FYTTD1: variants seen among roughly 807,000 people sequenced by gnomAD.
The protein encoded by FYTTD1 is forty-two-three domain containing 1.
Under a neutral mutation model 40.9 loss-of-function variants are expected in FYTTD1, and 22 were observed. The observed-to-expected ratio is 0.54, with a 90% CI of 0.38 to 0.77. The LOEUF is 0.77. Among genes scored for constraint, FYTTD1 ranks in the 30% least tolerant of loss-of-function variants. The pLI is 0.00. For missense variants in FYTTD1, 351 were observed against 392.2 expected (o/e 0.90, Z 0.89); for synonymous variants, 140 against 137.9 (o/e 1.01, Z -0.10).
intron 1 of FYTTD1, among the ~76,000 whole-genome samples, chr3:197,751,647 C>A (rs530452904): frequency 3.3e-5 from 5 of 150,914 alleles, no homozygotes; most frequent in Non-Finnish European, 4.4e-5. Flanking sequence ...GCTCTCCCCC[C>A]CCGCAAAAAA....
At chr3:197,767,429 C>T (rs1172200923) in intron 2 of FYTTD1, among the ~76,000 whole-genome samples, 2 of 137,896 alleles carry the variant, frequency 1.5e-5, no homozygotes, top group Non-Finnish European at 3.1e-5. Flanking sequence ...TGAGCCACTG[C>T]ACCTGGCTGC....
intron 1 of FYTTD1, chr3:197,755,869 G>T (rs1259366309): frequency 6.5e-7 from 1 of 1,547,454 alleles, no homozygotes; most frequent in Non-Finnish European, 8.7e-7. Context: ...GTGTTTTTGG[G>T]AAGTAAGTAG....
rs139624985 is a variant in FYTTD1, at chr3:197,787,533, C to T, written c.*5624C>T. 1.3e-5 allele frequency: 2 copies of T among 152,354 alleles called. No homozygotes were observed. Among genetic ancestry groups the T allele is most frequent in the African/African-American group, 4.8e-5 (2 of 41,576 alleles). 9.4% of individuals were successfully genotyped at this position (152,354 alleles called of 1,614,324 possible). A position where few individuals can be genotyped will look rare whatever the true frequency, so the allele number is the denominator to read the frequency against. On this transcript the variant is annotated 3_prime_UTR_variant, in exon 9 of 9. Coordinates refer to ENST00000241502, the MANE Select transcript of FYTTD1 (RefSeq NM_032288.7). The stretch of plus-strand genomic sequence containing the variant: ...AAGAACTATTAAGATTTGAGTGAAA[C>T]TTTTGCCCCCTGTGTTGAATGAGTT...
At chr3:197,754,725 C>A (rs1445556693) in intron 1 of FYTTD1, among the ~76,000 whole-genome samples, 1 of 140,990 alleles carries the variant, frequency 7.1e-6, no homozygotes. Flanking sequence ...AGTGCAGTGG[C>A]GTGATTGTGG....
chr3:197,752,344 A>G (rs1729084365), intron 1 of FYTTD1, among the ~76,000 whole-genome samples: 1 of 152,216 alleles, frequency 6.6e-6, no homozygotes, highest in Non-Finnish European at 1.5e-5. Flanking sequence ...GAAAGGTGAC[A>G]GTAAGTAGTG....
intron 2 of FYTTD1, among the ~76,000 whole-genome samples, chr3:197,759,837 G>T (rs569087989): frequency 6.6e-6 from 1 of 151,274 alleles, no homozygotes; most frequent in African/African-American, 2.4e-5. Flanking sequence ...GTGGTAGAAC[G>T]TATAGAGTGT....
chr3:197,782,054 T>TTTA lies in FYTTD1; in HGVS notation c.*145_*146insTTA. 3 of 341,122 alleles carry TTTA rather than the reference T, an allele frequency of 8.8e-6. No homozygotes were observed. Among genetic ancestry groups the TTTA allele is most frequent in the Non-Finnish European group, 1.6e-5 (3 of 183,328 alleles). The allele number at this position is 341,122 out of a possible 1,614,324, so 21.1% of individuals were successfully genotyped here. ...TTTTATTTTTGAAGGTTTTTTTTTT[T>TTTA]AAAAAAAAAAACGTATAAAATAATG... On this transcript the variant is annotated 3_prime_UTR_variant, in exon 9 of 9. Transcript: ENST00000241502.
At chr3:197,750,448 G>C in intron 1 of FYTTD1, 2 of 1,005,102 alleles carry the variant, frequency 2.0e-6, no homozygotes, top group Non-Finnish European at 2.4e-6. Context: ...CCCGGAGCGC[G>C]TTCGCGGTGG....
intron 2 of FYTTD1, among the ~76,000 whole-genome samples, chr3:197,761,759 C>T (rs1252633704): frequency 1.3e-5 from 2 of 152,220 alleles, no homozygotes; most frequent in African/African-American, 2.4e-5. Flanking sequence ...CTCTTACTCT[C>T]TCAGGAATGT....
In FYTTD1 at chr3:197,770,136, T is replaced by G. The variant is rs771702987; in HGVS notation, c.389T>G (p.Ile130Arg). The change falls in exon 4 of 9, where the codon ATA (isoleucine) becomes AGA (arginine). Residue 130 changes from isoleucine to arginine, a missense_variant. Ile to Arg is a moderately conservative substitution (Grantham distance 97). Coordinates refer to ENST00000241502, the MANE Select transcript of FYTTD1 (RefSeq NM_032288.7). ...MNRPPLSDKN[I>R]EQYFPVLKRK... ...TAATTTCTTGCCTTCTGATAGAATA[T>G]AGAACAATATTTTCCAGTGTTAAAA... 1 of 1,588,128 alleles carries G rather than the reference T, an allele frequency of 6.3e-7. No homozygotes were observed. Among genetic ancestry groups the G allele is most frequent in the South Asian group, 1.1e-5 (1 of 89,182 alleles).
intron 3 of FYTTD1, among the ~76,000 whole-genome samples, chr3:197,768,998 C>G (rs1729631433): frequency 6.6e-6 from 1 of 151,952 alleles, no homozygotes; most frequent in African/African-American, 2.4e-5. Context: ...CTCCTGACCT[C>G]AAGTGATCTG....
At chr3:197,764,719 A>G (rs1729490083) in intron 2 of FYTTD1, among the ~76,000 whole-genome samples, 1 of 151,776 alleles carries the variant, frequency 6.6e-6, no homozygotes, top group African/African-American at 2.4e-5. Flanking sequence ...AAAAAAAAAA[A>G]AAAAAGCAGA....
At chr3:197,755,662 A>AT (rs1729193207) in intron 1 of FYTTD1, 3 of 351,994 alleles carry the variant, frequency 8.5e-6, no homozygotes, top group Non-Finnish European at 1.5e-5. Flanking sequence ...ATTTATTTGT[A>AT]TTTTTAGTAG....
chr3:197,760,034 T>C (rs958066346), intron 2 of FYTTD1, among the ~76,000 whole-genome samples: 1 of 150,586 alleles, frequency 6.6e-6, no homozygotes, highest in African/African-American at 2.5e-5. Flanking sequence ...ATGTATGGAG[T>C]TGTTCTTCCG....
At chr3:197,757,015 A>G (rs1388060617) in intron 2 of FYTTD1, among the ~76,000 whole-genome samples, 2 of 152,346 alleles carry the variant, frequency 1.3e-5, no homozygotes, top group Admixed American at 1.3e-4. Flanking sequence ...GTAAAGTTAT[A>G]GAAAGCAAAT....
intron 2 of FYTTD1, among the ~76,000 whole-genome samples, chr3:197,760,173 G>A (rs1391279059): frequency 6.6e-6 from 1 of 151,732 alleles, no homozygotes; most frequent in African/African-American, 2.4e-5. Context: ...GTATTGAGTT[G>A]TTCCTCAGTG....
chr3:197,776,968 C>G lies in FYTTD1; in HGVS notation c.698C>G (p.Ser233Cys), dbSNP rs745430353. 2 of 1,611,748 alleles carry G rather than the reference C, an allele frequency of 1.2e-6. No individual in the cohort carries two copies. Reference protein sequence around the residue: ...STTNGGILTVSIDNPGAVQCP... With the variant: ...STTNGGILTVCIDNPGAVQCP... ...ACAAATGGAGGGATTTTGACTGTAT[C>G]TATTGACAATCCTGGAGCAGTGCAA... is the stretch of plus-strand genomic sequence containing the variant. Residue 233 changes from serine to cysteine, a missense_variant, in exon 7 of 9, where the codon TCT becomes TGT. Ser to Cys is a moderately radical substitution (Grantham distance 112). Coordinates refer to ENST00000241502, the MANE Select transcript of FYTTD1 (RefSeq NM_032288.7).
At position 197,778,432 on chromosome 3, in the gene FYTTD1, C is replaced by T. The variant is rs1729936384; in HGVS notation, c.826C>T (p.Leu276=). The change falls in exon 8 of 9, where the codon CTG becomes TTG. Residue 276 remains leucine (L), a synonymous_variant. Coordinates refer to ENST00000241502, the MANE Select transcript of FYTTD1 (RefSeq NM_032288.7). ...CAAGAAAGTTCCTAAAGGTGTTCCC[C>T]TGCAGTTTGACATAAACAGTGTCGG... ...DVKKVPKGVP[L]QFDINSVGKQ... is the part of the protein sequence containing the mutation. 1 of 1,609,950 alleles carries T rather than the reference C, an allele frequency of 6.2e-7. No individual in the cohort carries two copies. Among genetic ancestry groups the T allele is most frequent in the African/African-American group, 1.3e-5 (1 of 74,830 alleles).
intron 2 of FYTTD1, among the ~76,000 whole-genome samples, chr3:197,760,863 T>C (rs144239969): frequency 1.3e-5 from 2 of 151,888 alleles, no homozygotes; most frequent in African/African-American, 4.8e-5. Flanking sequence ...GTAGAATGTA[T>C]AGAATTGTTC....
Sources: gnomAD v4.1 joint callset for allele counts (sites outside exome capture counted in the v4.1 genomes callset) on GRCh38, gnomAD v4.1.1 for gene constraint, MANE v1.5 for transcripts, NCBI Gene and HGNC (gene_info 2026-07-23, HGNC 2026-07-21) for gene names.